PPM1H: variants seen among roughly 807,000 people sequenced by gnomAD.
PPM1H encodes the protein protein phosphatase 1H.
A neutral mutation model predicts 54.9 loss-of-function variants in PPM1H; 27 were observed. That is an observed-to-expected ratio of 0.49 (90% CI 0.36 to 0.68). PPM1H has a LOEUF of 0.68. PPM1H is among the 30% of genes least tolerant of loss of function. The probability of loss-of-function intolerance (pLI) is 0.00; values close to 1 mark genes in which losing one functional copy is unlikely to be tolerated. For missense variants in PPM1H, 596 were observed against 667.8 expected (o/e 0.89, Z 1.19); for synonymous variants, 305 against 270.8 (o/e 1.13, Z -1.24).
chr12:62,744,218 C>T (rs1048403727), intron 4 of PPM1H, among the ~76,000 whole-genome samples: 2 of 150,564 alleles, frequency 1.3e-5, no homozygotes, highest in Admixed American at 1.3e-4. Context: ...CACCTGTAAT[C>T]CCAGCACTTT....
intron 6 of PPM1H, among the ~76,000 whole-genome samples, chr12:62,699,042 T>TCTAATGATTC (rs2120367269): frequency 6.6e-6 from 1 of 152,292 alleles, no homozygotes; most frequent in South Asian, 2.1e-4. Context: ...CTAAGTGGAA[T>TCTAATGATTC]CATTAGAGAC....
chr12:62,912,963 T>C (rs1018864847), intron 1 of PPM1H, among the ~76,000 whole-genome samples: 2 of 152,198 alleles, frequency 1.3e-5, no homozygotes, highest in African/African-American at 2.4e-5. Context: ...ACGGCTACTA[T>C]AATTTATACT....
chr12:62,796,763 G>C (rs115433977), intron 3 of PPM1H, among the ~76,000 whole-genome samples: 4 of 152,176 alleles, frequency 2.6e-5, no homozygotes, highest in Non-Finnish European at 5.9e-5. Flanking sequence ...GCGTGCACCC[G>C]TGTGCGCGCA....
At chr12:62,850,869 G>A (rs528547396) in intron 1 of PPM1H, 6 of 151,914 alleles carry the variant, frequency 3.9e-5, no homozygotes, top group South Asian at 4.2e-4. Flanking sequence ...AACCACCTTC[G>A]TGATCATGTT....
In PPM1H at chr12:62,648,467, C is replaced by T; in HGVS notation, c.*22G>A. 1 of 1,612,970 alleles carries T rather than the reference C, an allele frequency of 6.2e-7. No homozygotes were observed. ...CATCCCAGCTTTCTTCCCCTCTGTC[C>T]TCCCAATCCCCTGGGCCATTTTCAT... On this transcript the variant is annotated 3_prime_UTR_variant, in exon 10 of 10. Coordinates refer to ENST00000228705, the MANE Select transcript of PPM1H (RefSeq NM_020700.2).
chr12:62,688,801 G>A (rs2076068455), intron 8 of PPM1H, among the ~76,000 whole-genome samples: 1 of 152,076 alleles, frequency 6.6e-6, no homozygotes, highest in Admixed American at 6.6e-5. Flanking sequence ...TTCAACACCA[G>A]CCTAACCAAC....
At chr12:62,761,964 T>C (rs2076511765) in intron 4 of PPM1H, among the ~76,000 whole-genome samples, 1 of 152,166 alleles carries the variant, frequency 6.6e-6, no homozygotes, top group East Asian at 1.9e-4. Flanking sequence ...ATCTGTGGCC[T>C]AAGACCAGAG....
At chr12:62,739,636 A>T (rs1340671539) in intron 4 of PPM1H, among the ~76,000 whole-genome samples, 1 of 152,190 alleles carries the variant, frequency 6.6e-6, no homozygotes, top group East Asian at 1.9e-4. Context: ...CAATCAGGCC[A>T]TGGAAGCATC....
chr12:62,865,865 C>T (rs1289046942), intron 1 of PPM1H, among the ~76,000 whole-genome samples: 2 of 152,202 alleles, frequency 1.3e-5, no homozygotes, highest in African/African-American at 4.8e-5. Context: ...ATTTTTCAGA[C>T]TCCCTATAAG....
At chr12:62,799,799 A>C (rs1335800747) in intron 3 of PPM1H, among the ~76,000 whole-genome samples, 1 of 152,202 alleles carries the variant, frequency 6.6e-6, no homozygotes, top group African/African-American at 2.4e-5. Context: ...CACAAGCTGG[A>C]ATACAGTGAC....
chr12:62,778,836 T>C (rs926226536), intron 4 of PPM1H, among the ~76,000 whole-genome samples: 8 of 151,774 alleles, frequency 5.3e-5, no homozygotes, highest in South Asian at 2.1e-4. Flanking sequence ...GAGGCTGACA[T>C]GGGAAGATGG....
In PPM1H at chr12:62,647,371, G is replaced by A. The variant is rs2075791862; in HGVS notation, c.*1118C>T. The A allele has an allele frequency of 6.6e-6, 1 of 152,224 alleles. No homozygotes were observed. Among genetic ancestry groups the A allele is most frequent in the Non-Finnish European group, 1.5e-5 (1 of 68,040 alleles). 9.4% of individuals were successfully genotyped at this position (152,224 alleles called of 1,614,324 possible). A position where few individuals can be genotyped will look rare whatever the true frequency, so the allele number is the denominator to read the frequency against. ...GGGGAGAGCAGAACTGCTGCTCCTT[G>A]ACAGAACTCTGATCCTTACACTTTG... On this transcript the variant is annotated 3_prime_UTR_variant, in exon 10 of 10. Coordinates refer to ENST00000228705, the MANE Select transcript of PPM1H (RefSeq NM_020700.2).
intron 1 of PPM1H, among the ~76,000 whole-genome samples, chr12:62,848,737 G>C (rs1220142295): frequency 6.6e-6 from 1 of 152,202 alleles, no homozygotes; most frequent in Non-Finnish European, 1.5e-5. Flanking sequence ...CACTGAGCTA[G>C]AGAATTGTAC....
chr12:62,895,889 A>G (rs1242703921), intron 1 of PPM1H, among the ~76,000 whole-genome samples: 2 of 152,050 alleles, frequency 1.3e-5, no homozygotes, highest in African/African-American at 4.8e-5. Context: ...AGCCAACTAA[A>G]CCTCCTTTCT....
chr12:62,678,641 C>T (rs1399309095), intron 8 of PPM1H, among the ~76,000 whole-genome samples: 1 of 152,088 alleles, frequency 6.6e-6, no homozygotes, highest in East Asian at 1.9e-4. Context: ...TGAAGTCTCT[C>T]CCATGTAAGG....
chr12:62,676,730 A>G (rs1037018798), intron 8 of PPM1H, among the ~76,000 whole-genome samples: 3 of 151,960 alleles, frequency 2.0e-5, no homozygotes, highest in South Asian at 4.2e-4. Context: ...CATGGGAGGG[A>G]GGCCGAGGGG....
chr12:62,696,259 C>A (rs766626008), intron 6 of PPM1H, among the ~76,000 whole-genome samples: 3 of 152,202 alleles, frequency 2.0e-5, no homozygotes, highest in Admixed American at 6.5e-5. Context: ...GAAAGACACA[C>A]ACTTAGAGTT....
chr12:62,838,342 G>GC (rs1010565996), intron 1 of PPM1H, among the ~76,000 whole-genome samples: 3 of 136,222 alleles, frequency 2.2e-5, no homozygotes, highest in Admixed American at 7.1e-5. Flanking sequence ...TGTGTGTGGG[G>GC]GGGGGGAGAT....
intron 4 of PPM1H, among the ~76,000 whole-genome samples, chr12:62,759,570 T>A (rs1007810747): frequency 1.3e-5 from 2 of 152,184 alleles, no homozygotes. Context: ...TGATTAATCA[T>A]TGCGGGGACG....
Sources: allele counts gnomAD v4.1 joint callset (sites outside exome capture counted in the v4.1 genomes callset), GRCh38; gene constraint gnomAD v4.1.1; transcripts MANE v1.5; gene names NCBI Gene and HGNC (gene_info 2026-07-23, HGNC 2026-07-21).